The following SERPINE2 variants were observed in gnomAD, a reference collection of about 807,000 sequenced individuals.
The protein encoded by SERPINE2 is serpin family E member 2, also known as glia-derived nexin.
A neutral mutation model predicts 36.3 loss-of-function variants in SERPINE2; 14 were observed. The observed-to-expected ratio is 0.39, with a 90% CI of 0.25 to 0.60. The LOEUF is 0.60. Ranked by LOEUF, SERPINE2 falls within the 20% of genes least tolerant of loss-of-function variation. The pLI is 0.57. For synonymous variants in SERPINE2, 192 were observed against 191.8 expected (o/e 1.00, Z -0.01); for missense variants, 418 against 499.6 (o/e 0.84, Z 1.56).
intron 1 of SERPINE2, chr2:224,038,831 T>G: frequency 3.0e-6 from 1 of 333,470 alleles, no homozygotes. Context: ...CGGCCCCGCC[T>G]TGCCCTGCCC....
chr2:223,982,908 T>C (rs578236452), intron 5 of SERPINE2, 127 bp from the exon 6 acceptor site: 1 of 614,592 alleles, frequency 1.6e-6, no homozygotes, highest in South Asian at 2.4e-5. Context: ...AATTGCATCT[T>C]AAATTTGAAT....
intron 1 of SERPINE2, among the ~76,000 whole-genome samples, chr2:224,012,081 T>C (rs1012574261): frequency 3.3e-5 from 5 of 152,202 alleles, no homozygotes; most frequent in Non-Finnish European, 5.9e-5. Flanking sequence ...CATTGACTAC[T>C]GGTCTGCTTG....
rs545313134 is a variant in SERPINE2, at chr2:223,999,436, G to A, written c.260-1094C>T. Among the ~76,000 whole-genome samples, 12 of 152,124 alleles carry A rather than the reference G, an allele frequency of 7.9e-5. No individual in the cohort carries two copies. In the South Asian group the frequency reaches 2.1e-3, roughly 26 times the overall value. ...CACCTTGATGGTCCTCTAAAGAGCC[G>A]ATTTGTCACTCTGAATGTGCGTCCT... is the stretch of plus-strand genomic sequence containing the variant. On this transcript the variant is annotated intron_variant, in intron 2 of 8. Coordinates refer to ENST00000409304, the MANE Select transcript of SERPINE2 (RefSeq NM_001136528.2).
chr2:224,030,037 C>T (rs985554505), intron 1 of SERPINE2: 2 of 985,098 alleles, frequency 2.0e-6, no homozygotes, highest in African/African-American at 3.5e-5. Flanking sequence ...CACAACTAAC[C>T]TAATGGAAAA....
chr2:224,020,609 C>T (rs1160753812), intron 1 of SERPINE2, among the ~76,000 whole-genome samples: 1 of 152,176 alleles, frequency 6.6e-6, no homozygotes, highest in Non-Finnish European at 1.5e-5. Flanking sequence ...CACATTGCAA[C>T]AATATTTTCA....
chr2:224,021,521 T>C (rs13013387), intron 1 of SERPINE2, among the ~76,000 whole-genome samples: 19,471 of 152,254 alleles, frequency 0.13, 1,356 homozygotes, highest in Middle Eastern at 0.19. Flanking sequence ...ATGTGACACA[T>C]TGAGTTTCAG....
At chr2:223,996,339 C>A (rs769711457) in intron 3 of SERPINE2, among the ~76,000 whole-genome samples, 1 of 152,272 alleles carries the variant, frequency 6.6e-6, no homozygotes, top group Non-Finnish European at 1.5e-5. Flanking sequence ...ATGCCAGACA[C>A]CTGGAGACTC....
intron 2 of SERPINE2, among the ~76,000 whole-genome samples, chr2:223,999,469 C>A (rs1395027059): frequency 6.6e-6 from 1 of 152,162 alleles, no homozygotes; most frequent in African/African-American, 2.4e-5. Context: ...CCTCTTCAGG[C>A]CTTTTACACG....
At chr2:223,991,366 C>T (rs752702392) in intron 4 of SERPINE2, among the ~76,000 whole-genome samples, 1 of 152,192 alleles carries the variant, frequency 6.6e-6, no homozygotes, top group Non-Finnish European at 1.5e-5. Context: ...TTCCTCCCCA[C>T]CAAAGCCACC....
At chr2:223,991,303 A>T (rs1690660159) in intron 4 of SERPINE2, among the ~76,000 whole-genome samples, 2 of 152,204 alleles carry the variant, frequency 1.3e-5, no homozygotes, top group Non-Finnish European at 2.9e-5. Flanking sequence ...CAGGACCCCG[A>T]GGAAGTCCTC....
intron 4 of SERPINE2, among the ~76,000 whole-genome samples, chr2:223,987,045 T>C (rs1690462968): frequency 6.6e-6 from 1 of 152,160 alleles, no homozygotes; most frequent in Non-Finnish European, 1.5e-5. Flanking sequence ...CCACGAGATC[T>C]GGGGTTATAA....
At chr2:224,038,538 A>T in intron 1 of SERPINE2, 1 of 1,550,538 alleles carries the variant, frequency 6.4e-7, no homozygotes, top group Admixed American at 2.0e-5. Context: ...AGATGATGAA[A>T]ATAGCAAAGA....
chr2:223,991,685 G>T (rs1690678145), intron 4 of SERPINE2, 118 bp downstream of exon 4: 1 of 1,057,918 alleles, frequency 9.5e-7, no homozygotes, highest in South Asian at 1.3e-5. Context: ...ACCCTGCTCT[G>T]TTCCCCAGTT....
chr2:224,002,023 C>T, intron 1 of SERPINE2, 101 bp from the exon 2 acceptor site: 1 of 1,152,550 alleles, frequency 8.7e-7, no homozygotes, highest in Non-Finnish European at 1.2e-6. Flanking sequence ...TTCACCCAGG[C>T]TGGAGTGAAG....
intron 3 of SERPINE2, among the ~76,000 whole-genome samples, chr2:223,995,200 T>C (rs1690832788): frequency 6.6e-6 from 1 of 152,184 alleles, no homozygotes. Context: ...CCATCCCTGA[T>C]GGGTCTCCTC....
intron 5 of SERPINE2, among the ~76,000 whole-genome samples, chr2:223,983,727 T>A: frequency 1.2e-5 from 1 of 86,128 alleles, no homozygotes; most frequent in Non-Finnish European, 2.2e-5. Context: ...CGTATATATA[T>A]GTGTGTATAT....
chr2:224,029,027 T>C (rs935003796), intron 1 of SERPINE2, among the ~76,000 whole-genome samples: 1 of 152,210 alleles, frequency 6.6e-6, no homozygotes, highest in African/African-American at 2.4e-5. Context: ...CTAAATTAAT[T>C]CAAATTAGTA....
Position 223,977,587 on chromosome 2 carries a change from T to C in SERPINE2, c.1113A>G (p.Ile371Met). The C allele has an allele frequency of 6.2e-7, 1 of 1,613,720 alleles. No individual in the cohort carries two copies. The highest frequency in any genetic ancestry group is 1.1e-5 in the South Asian group (1 of 91,080). ...LIARSSPPWF[I>M]VDRPFLFFIR... ...TGAAAAACAGAAAAGGTCTGTCTAC[T>C]ATAAACCAGGGAGGCGATGATCTTG... Residue 371 changes from isoleucine to methionine, a missense_variant, in exon 8 of 9, where the codon ATA (isoleucine) becomes ATG (methionine). Coordinates refer to ENST00000409304, the MANE Select transcript of SERPINE2 (RefSeq NM_001136528.2).
At chr2:224,034,764 A>G (rs1692481209) in intron 1 of SERPINE2, among the ~76,000 whole-genome samples, 1 of 152,140 alleles carries the variant, frequency 6.6e-6, no homozygotes, top group Admixed American at 6.5e-5. Flanking sequence ...TTTGGGATAT[A>G]GAATCGACCC....
Sources: allele counts gnomAD v4.1 joint callset (sites outside exome capture counted in the v4.1 genomes callset), GRCh38; gene constraint gnomAD v4.1.1; transcripts MANE v1.5; gene names NCBI Gene and HGNC (gene_info 2026-07-23, HGNC 2026-07-21).